The following THOC1 variants were observed in gnomAD, a reference collection of about 807,000 sequenced individuals.
THOC1 encodes THO complex 1.
A neutral mutation model predicts 97.3 loss-of-function variants in THOC1; 29 were observed. The observed-to-expected ratio is 0.30, with a 90% confidence interval of 0.22 to 0.41. The LOEUF (loss-of-function observed/expected upper bound fraction) is 0.41, where lower values mean the gene tolerates loss of function less well. THOC1 is among the 10% of genes least tolerant of loss of function. The pLI, the probability that THOC1 is intolerant of heterozygous loss-of-function variation, is 1.00. For synonymous variants in THOC1, 255 were observed against 257.0 expected (o/e 0.99, Z 0.07); for missense variants, 529 against 761.9 (o/e 0.69, Z 3.60).
intron 11 of THOC1, among the ~76,000 whole-genome samples, chr18:236,760 A>T: frequency 6.6e-6 from 1 of 152,160 alleles, no homozygotes; most frequent in East Asian, 1.9e-4. Flanking sequence ...GGACGCTCAG[A>T]GCATCTGTGT....
At chr18:250,794 A>C (rs193291920) in intron 9 of THOC1, among the ~76,000 whole-genome samples, 85 of 152,338 alleles carry the variant, frequency 5.6e-4, no homozygotes, top group African/African-American at 1.9e-3. Context: ...GTGATTTACA[A>C]ACATAACCAA....
chr18:233,017 G>T (rs145886434), intron 11 of THOC1, among the ~76,000 whole-genome samples: 1 of 151,822 alleles, frequency 6.6e-6, no homozygotes, highest in Non-Finnish European at 1.5e-5. Flanking sequence ...CTTTGCCTAC[G>T]GTATCTTTTG....
At chr18:228,978 G>T (rs1326732704) in intron 11 of THOC1, among the ~76,000 whole-genome samples, 1 of 152,108 alleles carries the variant, frequency 6.6e-6, no homozygotes, top group Non-Finnish European at 1.5e-5. Flanking sequence ...CTCACTTTCA[G>T]TAGATAACTA....
rs951550725 is a variant in THOC1, at chr18:263,234, C to T, written c.256+792G>A. On this transcript the variant is annotated intron_variant, in intron 4 of 20. Transcript: ENST00000261600. ...TAGCTGGGACTACAGGCGCCCGACACCGCGCCCGGCTAATTTTTTTATTTT... is the reference window on the plus strand; with the variant it reads ...TAGCTGGGACTACAGGCGCCCGACATCGCGCCCGGCTAATTTTTTTATTTT... Among the ~76,000 whole-genome samples, 7 of 152,174 alleles carry T rather than the reference C, an allele frequency of 4.6e-5. No homozygotes were observed. The East Asian group carries it at 1.4e-3, about 29-fold the overall frequency.
At chr18:248,504 G>T (rs1380262499) in intron 9 of THOC1, among the ~76,000 whole-genome samples, 4 of 152,100 alleles carry the variant, frequency 2.6e-5, no homozygotes, top group Non-Finnish European at 5.9e-5. Flanking sequence ...CGATATGAGG[G>T]GGAAAAATCA....
chr18:246,751 C>T (rs1218710800), intron 10 of THOC1, among the ~76,000 whole-genome samples: 2 of 151,522 alleles, frequency 1.3e-5, no homozygotes. Context: ...CGGAGGGGGG[C>T]GGGTAACTTG....
intron 17 of THOC1, among the ~76,000 whole-genome samples, chr18:220,836 ATTGT>A (rs1356767768): frequency 2.0e-5 from 3 of 151,594 alleles, no homozygotes; most frequent in East Asian, 3.9e-4. Context: ...TATCTTCTCT[ATTGT>A]TTGTTGTCTA....
At position 246,605 on chromosome 18, in the gene THOC1, C is replaced by G. The variant is rs1305751995; in HGVS notation, c.787-150G>C. The G allele has an allele frequency of 4.9e-6, 3 of 616,252 alleles. No homozygotes were observed. The East Asian group carries it at 9.3e-5, about 19-fold the overall frequency. 38.2% of individuals were successfully genotyped at this position (616,252 alleles called of 1,614,324 possible). On this transcript the variant is annotated intron_variant, in intron 10 of 20. Transcript: ENST00000261600. ...ACACTAACAATACAAATTATGATAG[C>G]AGAATGGGAGTTAAAACTATTTTGT...
chr18:259,387 G>T, intron 6 of THOC1, 112 bp from the exon 7 acceptor site: 3 of 905,984 alleles, frequency 3.3e-6, no homozygotes, highest in Non-Finnish European at 4.9e-6. Context: ...TAAAGCAGTA[G>T]TTCTTAAATT....
At chr18:223,117 G>A (rs1349741397) in intron 17 of THOC1, among the ~76,000 whole-genome samples, 6 of 152,028 alleles carry the variant, frequency 3.9e-5, no homozygotes, top group Non-Finnish European at 8.8e-5. Context: ...ACGAACTTTT[G>A]TGACTATTAA....
Position 259,713 on chromosome 18 carries a change from A to C in THOC1, c.393T>G (p.Ala131=). The change falls in exon 6 of 21, where the codon GCT becomes GCG. Residue 131 remains alanine, a synonymous_variant. Coordinates refer to ENST00000261600, the MANE Select transcript of THOC1 (RefSeq NM_005131.3). ...ACATACGTAGTAAGTAATTTTTCCCAGCAGAATAGAATGTATTCTGAAATT... is the reference window on the plus strand; with the variant it reads ...ACATACGTAGTAAGTAATTTTTCCCCGCAGAATAGAATGTATTCTGAAATT... The part of the protein sequence containing the change: ...ATWKSNTFYS[A]GKNYLLRMCN... 6.4e-7 allele frequency: 1 copy of C among 1,550,860 alleles called. No individual in the cohort carries two copies. Among genetic ancestry groups the C allele is most frequent in the South Asian group, 1.2e-5 (1 of 82,422 alleles).
At chr18:226,540 A>G (rs1246856455) in intron 12 of THOC1, 1 of 327,932 alleles carries the variant, frequency 3.0e-6, no homozygotes, top group African/African-American at 2.2e-5. Flanking sequence ...TTTGGAGCAG[A>G]GACCTCCACC....
intron 9 of THOC1, among the ~76,000 whole-genome samples, chr18:248,384 A>G (rs1488520769): frequency 2.0e-5 from 3 of 152,208 alleles, no homozygotes; most frequent in African/African-American, 7.2e-5. Flanking sequence ...ACTACAGGAA[A>G]AAGGGCAAAC....
chr18:267,802 T>C (rs942126853), intron 1 of THOC1, among the ~76,000 whole-genome samples, 164 bp downstream of exon 1: 11 of 152,000 alleles, frequency 7.2e-5, no homozygotes, highest in South Asian at 4.2e-4. Flanking sequence ...AGGCGGGTAG[T>C]GCGTCTTTCC....
intron 7 of THOC1, among the ~76,000 whole-genome samples, 174 bp downstream of exon 7, chr18:259,006 T>C (rs1332563592): frequency 6.6e-6 from 1 of 152,162 alleles, no homozygotes; most frequent in African/African-American, 2.4e-5. Context: ...GGATTACCTG[T>C]ATTATATACT....
At chr18:229,912 C>T (rs554003067) in intron 11 of THOC1, among the ~76,000 whole-genome samples, 70 of 152,134 alleles carry the variant, frequency 4.6e-4, no homozygotes, top group African/African-American at 1.6e-3. Flanking sequence ...TTCTTCTCTT[C>T]TGAATCTACA....
Position 268,011 on chromosome 18 carries a change from C to T in THOC1, c.9G>A (p.Pro3=), listed in dbSNP as rs546966467. Residue 3 remains proline, a synonymous_variant, in exon 1 of 21, where the codon CCG becomes CCA. Coordinates refer to ENST00000261600, the MANE Select transcript of THOC1 (RefSeq NM_005131.3). ...CGGGCAAACTGAAGAGCGGCGGCGT[C>T]GGAGACATCTTCTCGGCTGCGCGTG... MS[P]TPPLFSLPEA... 3.1e-6 allele frequency: 5 copies of T among 1,605,822 alleles called. No individual in the cohort carries two copies. The highest frequency in any genetic ancestry group is 4.3e-6 in the Non-Finnish European group (5 of 1,176,458).
chr18:246,804 C>G (rs1027708256), intron 10 of THOC1, among the ~76,000 whole-genome samples: 2 of 151,610 alleles, frequency 1.3e-5, no homozygotes, highest in Admixed American at 6.6e-5. Context: ...TGGTGAAACC[C>G]CGTCTCGACT....
intron 11 of THOC1, chr18:245,222 G>C (rs1008560759): frequency 1.3e-5 from 2 of 152,036 alleles, no homozygotes; most frequent in African/African-American, 4.8e-5. Context: ...CTTAGCATTA[G>C]ATTTATGGAT....
Sources: allele counts gnomAD v4.1 joint callset (sites outside exome capture counted in the v4.1 genomes callset), GRCh38; gene constraint gnomAD v4.1.1; transcripts MANE v1.5; gene names NCBI Gene and HGNC (gene_info 2026-07-23, HGNC 2026-07-21).